The following VPS53 variants were observed in gnomAD, a reference collection of about 807,000 sequenced individuals.
VPS53 encodes VPS53 subunit of GARP complex, also known as vacuolar protein sorting-associated protein 53 homolog.
A neutral mutation model predicts 107.0 loss-of-function variants in VPS53; 70 were observed. The observed-to-expected ratio is 0.65, with a 90% CI of 0.54 to 0.80. The LOEUF (loss-of-function observed/expected upper bound fraction) is 0.80. VPS53 is among the 30% of genes least tolerant of loss of function. The pLI is 0.00. For synonymous variants in VPS53, 409 were observed against 393.3 expected (o/e 1.04, Z -0.47); for missense variants, 917 against 1,049.4 (o/e 0.87, Z 1.74).
intron 15 of VPS53, 131 bp from the exon 16 acceptor site, chr17:553,593 T>G (rs1912067412): frequency 4.9e-6 from 3 of 618,496 alleles, no homozygotes; most frequent in East Asian, 6.1e-5. Context: ...TTTTTTTTTT[T>G]GAGACTCGCT....
chr17:563,392 T>C (rs1913207362), intron 13 of VPS53, among the ~76,000 whole-genome samples: 1 of 147,580 alleles, frequency 6.8e-6, no homozygotes, highest in African/African-American at 2.5e-5. Flanking sequence ...ATCTTCAGGG[T>C]TCAAGCAATT....
intron 13 of VPS53, among the ~76,000 whole-genome samples, chr17:574,075 G>A (rs895550347): frequency 4.6e-5 from 7 of 152,174 alleles, no homozygotes; most frequent in African/African-American, 1.2e-4. Flanking sequence ...TAACGAGTGC[G>A]TTGGGCATTA....
intron 6 of VPS53, among the ~76,000 whole-genome samples, chr17:655,206 AAAGGAGGCT>A (rs1157875598): frequency 2.0e-5 from 3 of 152,180 alleles, no homozygotes; most frequent in Non-Finnish European, 2.9e-5. Flanking sequence ...TCTTGCTAGT[AAAGGAGGCT>A]TTAGATTGCT....
Position 520,083 on chromosome 17 carries a change from G to A in VPS53, c.2224-153C>T, listed in dbSNP as rs1215818269. 9.9e-5 allele frequency among the ~76,000 whole-genome samples: 15 copies of A among 152,156 alleles called. No homozygotes were observed. Among genetic ancestry groups the A allele is most frequent in the Non-Finnish European group, 1.9e-4 (13 of 68,028 alleles). ...CTCACTCCTCACTTGCCCGCCGAGC[G>A]CTAAATGGATTCTGAGAGGTTTCCT... is the stretch of plus-strand genomic sequence containing the variant. On this transcript the variant is annotated intron_variant, in intron 20 of 21. Coordinates refer to ENST00000437048, the MANE Select transcript of VPS53 (RefSeq NM_001128159.3). The surrounding 1 kb of genome is among the most constrained non-coding windows in gnomAD (Gnocchi z 4.4).
At chr17:662,517 A>G (rs112860457) in intron 4 of VPS53, among the ~76,000 whole-genome samples, 5,955 of 151,846 alleles carry the variant, frequency 0.039, 146 homozygotes, top group Non-Finnish European at 0.055. Context: ...GTGAAACCCC[A>G]TCTCTACTAA....
rs548259076 is a variant in VPS53, at chr17:571,754, G to A, written c.1314-9009C>T. On this transcript the variant is annotated intron_variant, in intron 13 of 21. Coordinates refer to ENST00000437048, the MANE Select transcript of VPS53 (RefSeq NM_001128159.3). Reference sequence around the variant, plus strand: ...GAGACGGGGTTTCGCTGTGTTGGCCGGGCTGGTCTCCAGCTCCTAACCGCG... The same window carrying A: ...GAGACGGGGTTTCGCTGTGTTGGCCAGGCTGGTCTCCAGCTCCTAACCGCG... Among the ~76,000 whole-genome samples the A allele has an allele frequency of 4.3e-4, 65 of 152,298 alleles. No homozygotes were observed. The South Asian group carries it at 4.8e-3, about 11-fold the overall frequency.
At chr17:690,005 C>A (rs964953649) in intron 4 of VPS53, among the ~76,000 whole-genome samples, 2 of 152,124 alleles carry the variant, frequency 1.3e-5, no homozygotes, top group African/African-American at 4.8e-5. Context: ...AGGTAGAAAT[C>A]CTGTTTTTTG....
intron 15 of VPS53, among the ~76,000 whole-genome samples, chr17:557,215 G>T (rs1445274657): frequency 6.6e-6 from 1 of 152,122 alleles, no homozygotes; most frequent in Non-Finnish European, 1.5e-5. Context: ...GTGTTTGCTG[G>T]CAATCCTTGA....
At chr17:543,981 C>T (rs1277514463) in intron 17 of VPS53, among the ~76,000 whole-genome samples, 3 of 68,756 alleles carry the variant, frequency 4.4e-5, no homozygotes, top group African/African-American at 1.2e-4. Flanking sequence ...AAGGGAGGAA[C>T]GGAGAGAGGG....
chr17:552,102 T>C, intron 16 of VPS53, 152 bp from the exon 17 acceptor site: 1 of 666,802 alleles, frequency 1.5e-6, no homozygotes, highest in Non-Finnish European at 2.4e-6. Context: ...CTTGGCTCTT[T>C]CTTCATGTCC....
chr17:681,948 G>A (rs935495586), intron 4 of VPS53, among the ~76,000 whole-genome samples: 2 of 152,142 alleles, frequency 1.3e-5, no homozygotes, highest in African/African-American at 4.8e-5. Flanking sequence ...TGTCACAATA[G>A]GGATTAAGTT....
chr17:581,807 G>A (rs948255486), intron 13 of VPS53, among the ~76,000 whole-genome samples: 15 of 147,356 alleles, frequency 1.0e-4, no homozygotes, highest in East Asian at 4.1e-4. Context: ...AACCTACTGC[G>A]TTCCCAGAGA....
chr17:537,294 A>C (rs1910165566), intron 17 of VPS53, 118 bp from the exon 18 acceptor site: 1 of 1,214,180 alleles, frequency 8.2e-7, no homozygotes, highest in Admixed American at 2.4e-5. Flanking sequence ...CCCAGGAATC[A>C]GGCCCTTTTG....
chr17:586,816 C>T (rs1967343962), intron 12 of VPS53, among the ~76,000 whole-genome samples: 1 of 152,194 alleles, frequency 6.6e-6, no homozygotes, highest in Non-Finnish European at 1.5e-5. Context: ...CTATTTTACA[C>T]CTCAAGAAAT....
chr17:708,751 T>C (rs527939395), intron 2 of VPS53, among the ~76,000 whole-genome samples: 3 of 152,354 alleles, frequency 2.0e-5, no homozygotes, highest in African/African-American at 7.2e-5. Flanking sequence ...CTCACTGTTG[T>C]CTTCTGGTCT....
In VPS53 at chr17:596,692, C is replaced by T. The variant is rs139222456; in HGVS notation, c.1218+5103G>A. On this transcript the variant is annotated intron_variant, in intron 12 of 21. Coordinates refer to ENST00000437048, the MANE Select transcript of VPS53 (RefSeq NM_001128159.3). ...CTCCTGCCTATGGCTACGTTATGAACGTGCTCAGTTTAGATAGTAGGTGCT... is the reference window on the plus strand; with the variant it reads ...CTCCTGCCTATGGCTACGTTATGAATGTGCTCAGTTTAGATAGTAGGTGCT... 1.1e-4 allele frequency among the ~76,000 whole-genome samples: 17 copies of T among 152,316 alleles called. No homozygotes were observed. The East Asian group carries it at 2.1e-3, about 19-fold the overall frequency.
chr17:658,946 G>A (rs967678678), intron 5 of VPS53, among the ~76,000 whole-genome samples: 3 of 151,862 alleles, frequency 2.0e-5, no homozygotes, highest in Non-Finnish European at 2.9e-5. Flanking sequence ...AGCCTTACCT[G>A]GATCTTAGCT....
At chr17:665,613 G>A (rs940480832) in intron 4 of VPS53, among the ~76,000 whole-genome samples, 1 of 152,172 alleles carries the variant, frequency 6.6e-6, no homozygotes, top group Admixed American at 6.5e-5. Flanking sequence ...AGTGCTAAGG[G>A]GGATTCTGCT....
intron 12 of VPS53, among the ~76,000 whole-genome samples, chr17:596,526 G>A (rs1246431040): frequency 2.0e-5 from 3 of 152,166 alleles, no homozygotes. Flanking sequence ...GCACTCTTCT[G>A]CAGTGAGGAG....
Sources: allele counts gnomAD v4.1 joint callset (sites outside exome capture counted in the v4.1 genomes callset), GRCh38; gene constraint gnomAD v4.1.1; non-coding constraint Gnocchi (gnomAD v3.1); transcripts MANE v1.5; gene names NCBI Gene and HGNC (gene_info 2026-07-23, HGNC 2026-07-21).